Variants in EYS observed in about 807,000 individuals in gnomAD.
EYS encodes EGF-like photoreceptor maintenance factor, also known as protein eyes shut homolog.
A neutral mutation model predicts 282.1 loss-of-function variants in EYS; 250 were observed. That is an observed-to-expected ratio of 0.89 (90% CI 0.80 to 0.98). The LOEUF is 0.98. EYS is among the 50% of genes least tolerant of loss of function. The probability of loss-of-function intolerance (pLI) is 0.00; values close to 1 mark genes in which losing one functional copy is unlikely to be tolerated. For missense variants in EYS, 4,016 were observed against 3,709.0 expected, an observed-to-expected ratio of 1.08 and a Z score of -2.15; for synonymous variants, 1,355 against 1,282.9, an observed-to-expected ratio of 1.06 and a Z score of -1.20.
intron 41 of EYS, among the ~76,000 whole-genome samples, chr6:63,752,250 C>T (rs1769356001): frequency 6.6e-6 from 1 of 152,088 alleles, no homozygotes; most frequent in Non-Finnish European, 1.5e-5. Context: ...CCAAGAGTAA[C>T]CATCTAATGA....
chr6:63,768,978 C>A (rs938270997), intron 40 of EYS, among the ~76,000 whole-genome samples: 4 of 152,150 alleles, frequency 2.6e-5, no homozygotes, highest in Admixed American at 2.6e-4. Context: ...GAACAGAAAA[C>A]CAAATACTGC....
intron 22 of EYS, among the ~76,000 whole-genome samples, chr6:64,780,686 C>T (rs902805750): frequency 1.2e-4 from 18 of 152,084 alleles, no homozygotes; most frequent in African/African-American, 4.3e-4. Context: ...AATAATCCTG[C>T]AATGAAAGGC....
chr6:64,005,941 T>A (rs1222019578), intron 33 of EYS, among the ~76,000 whole-genome samples: 1 of 152,196 alleles, frequency 6.6e-6, no homozygotes, highest in African/African-American at 2.4e-5. Flanking sequence ...TGGATTGCCG[T>A]GGTTATCCTG....
chr6:63,857,465 C>T lies in EYS; in HGVS notation c.7228+6721G>A, dbSNP rs1160694752. ...AGATGAGTATCTCTGGGCCAGTGTC[C>T]AGAGGATTCCCTGAAGTGCCCGGCT... is the stretch of plus-strand genomic sequence containing the variant. On this transcript the variant is annotated intron_variant, in intron 36 of 42. Transcript: ENST00000503581. 4 of 211,262 alleles carry T rather than the reference C, an allele frequency of 1.9e-5. No individual in the cohort carries two copies. The Admixed American group carries it at 1.9e-4, about 10-fold the overall frequency. The allele number at this position is 211,262 out of a possible 1,614,324, so 13.1% of individuals were successfully genotyped here.
intron 2 of EYS, among the ~76,000 whole-genome samples, chr6:65,546,659 C>T (rs1199240319): frequency 1.3e-5 from 2 of 151,840 alleles, no homozygotes; most frequent in Non-Finnish European, 2.9e-5. Flanking sequence ...GCAACTTCTG[C>T]CTCCTGGGTT....
At chr6:64,176,291 A>G (rs1245669664) in intron 31 of EYS, among the ~76,000 whole-genome samples, 1 of 152,168 alleles carries the variant, frequency 6.6e-6, no homozygotes, top group East Asian at 1.9e-4. Context: ...CATTATACAA[A>G]TTATATATAT....
intron 2 of EYS, among the ~76,000 whole-genome samples, chr6:65,543,988 C>A (rs6922236): frequency 6.6e-6 from 1 of 151,394 alleles, no homozygotes; most frequent in African/African-American, 2.4e-5. Context: ...CCACTTATTA[C>A]TGAAAAAGAG....
chr6:63,932,321 T>C (rs553958998), intron 35 of EYS, among the ~76,000 whole-genome samples: 1 of 152,382 alleles, frequency 6.6e-6, no homozygotes, highest in South Asian at 2.1e-4. Context: ...TTTAATATAC[T>C]GATTTCCTTT....
chr6:65,630,908 T>A (rs1318807900), intron 2 of EYS, among the ~76,000 whole-genome samples: 1 of 152,184 alleles, frequency 6.6e-6, no homozygotes, highest in African/African-American at 2.4e-5. Context: ...TGTTTGGTAG[T>A]TAAGAACCAA....
At chr6:65,196,798 A>G (rs1185436941) in intron 12 of EYS, among the ~76,000 whole-genome samples, 1 of 152,070 alleles carries the variant, frequency 6.6e-6, no homozygotes, top group Non-Finnish European at 1.5e-5. Flanking sequence ...ACATTGGAGG[A>G]AGCACCCAAA....
At chr6:63,865,861 T>A (rs1772659559) in intron 35 of EYS, among the ~76,000 whole-genome samples, 1 of 152,216 alleles carries the variant, frequency 6.6e-6, no homozygotes, top group African/African-American at 2.4e-5. Flanking sequence ...TGAAACACTA[T>A]GAAAGTTTAT....
At chr6:63,826,695 A>G (rs545349259) in intron 36 of EYS, among the ~76,000 whole-genome samples, 43 of 152,288 alleles carry the variant, frequency 2.8e-4, no homozygotes, top group African/African-American at 9.9e-4. Flanking sequence ...ACAAATGCTG[A>G]GAGAATTCAC....
intron 37 of EYS, among the ~76,000 whole-genome samples, chr6:63,801,386 C>T (rs979104482): frequency 6.6e-6 from 1 of 152,088 alleles, no homozygotes; most frequent in South Asian, 2.1e-4. Context: ...TTAATAACTG[C>T]TTCCCCAGCA....
At chr6:65,346,555 A>G (rs895371994) in intron 9 of EYS, among the ~76,000 whole-genome samples, 4 of 151,732 alleles carry the variant, frequency 2.6e-5, no homozygotes, top group African/African-American at 9.7e-5. Context: ...AAATAAAGCA[A>G]TATGAAAAGA....
At position 63,975,299 on chromosome 6, in the gene EYS, C is replaced by T. The variant is rs140350872; in HGVS notation, c.7055+9084G>A. ...GTCTTATTTGTCTTTATGAATCCCA[C>T]GATCATTACACTGCTTAACACAAAA... On this transcript the variant is annotated intron_variant, in intron 35 of 42. Transcript: ENST00000503581. Among the ~76,000 whole-genome samples, 351 of 151,920 alleles carry T rather than the reference C, an allele frequency of 2.3e-3. 1 individual carries two copies. Among genetic ancestry groups the T allele is most frequent in the Admixed American group, 5.8e-3 (89 of 15,224 alleles).
Position 65,563,574 on chromosome 6 carries a change from G to T in EYS, c.-332-67581C>A, listed in dbSNP as rs565758466. On this transcript the variant is annotated intron_variant, in intron 2 of 42. Transcript: ENST00000503581. Reference sequence around the variant, plus strand: ...TCAATCTCCAAAAGTTAATTCTGCAGTTTTTTTTATCTAAAGAAAACCCCA... The same window carrying T: ...TCAATCTCCAAAAGTTAATTCTGCATTTTTTTTTATCTAAAGAAAACCCCA... 7.3e-5 allele frequency among the ~76,000 whole-genome samples: 11 copies of T among 150,866 alleles called. No homozygotes were observed. The East Asian group carries it at 1.6e-3, about 21-fold the overall frequency.
intron 12 of EYS, among the ~76,000 whole-genome samples, chr6:65,284,744 T>C (rs1447176060): frequency 3.9e-5 from 6 of 152,110 alleles, no homozygotes; most frequent in Non-Finnish European, 8.8e-5. Context: ...ATAAACAGGT[T>C]GTTAACAGAT....
At chr6:64,883,612 A>T (rs536058946) in intron 19 of EYS, among the ~76,000 whole-genome samples, 2 of 151,578 alleles carry the variant, frequency 1.3e-5, no homozygotes, top group African/African-American at 4.8e-5. Context: ...TTTAGAAAGC[A>T]ATATAAATTT....
At chr6:63,947,881 C>A (rs1005685643) in intron 35 of EYS, among the ~76,000 whole-genome samples, 1 of 152,256 alleles carries the variant, frequency 6.6e-6, no homozygotes, top group Middle Eastern at 3.4e-3. Context: ...TACTGAAGGT[C>A]ATGACATAAC....
Sources: gnomAD v4.1 joint callset for allele counts (sites outside exome capture counted in the v4.1 genomes callset) on GRCh38, gnomAD v4.1.1 for gene constraint, MANE v1.5 for transcripts, NCBI Gene and HGNC (gene_info 2026-07-23, HGNC 2026-07-21) for gene names.